GAD2: variants seen among roughly 807,000 people sequenced by gnomAD.
GAD2 encodes the protein glutamate decarboxylase 2.
GAD2 carries 22 observed loss-of-function variants against 80.1 expected under a neutral mutation model. The observed-to-expected ratio is 0.27, with a 90% CI of 0.20 to 0.39. The LOEUF (loss-of-function observed/expected upper bound fraction) is 0.39. GAD2 is among the 10% of genes least tolerant of loss of function. The pLI is 1.00. For synonymous variants in GAD2, 274 were observed against 256.9 expected (o/e 1.07, Z -0.64); for missense variants, 624 against 738.4 (o/e 0.85, Z 1.80).
chr10:26,236,436 A>G (rs113557168), intron 7 of GAD2, among the ~76,000 whole-genome samples: 4,050 of 151,718 alleles, frequency 0.027, 198 homozygotes, highest in African/African-American at 0.093. Context: ...AAGTAGCTGG[A>G]ATTACAGGCG....
At chr10:26,225,487 G>T (rs1158326853) in intron 6 of GAD2, among the ~76,000 whole-genome samples, 1 of 152,182 alleles carries the variant, frequency 6.6e-6, no homozygotes, top group Non-Finnish European at 1.5e-5. Flanking sequence ...TGGCAGGAGC[G>T]GATGTCATTA....
chr10:26,244,170 G>T (rs1027411269), intron 7 of GAD2, among the ~76,000 whole-genome samples: 1 of 152,180 alleles, frequency 6.6e-6, no homozygotes, highest in African/African-American at 2.4e-5. Flanking sequence ...ATGCAAATCC[G>T]AAGCATAATG....
rs1191430220 is a variant in GAD2, at chr10:26,248,025, G to T, written c.920+2025G>T. On this transcript the variant is annotated intron_variant, in intron 8 of 15. Coordinates refer to ENST00000376261, the MANE Select transcript of GAD2 (RefSeq NM_001134366.2). ...AGTGAGGCCAAACATCCACACACAG[G>T]TTTGCAGCAGGAGAAAGGAGGACAT... 4.6e-5 allele frequency among the ~76,000 whole-genome samples: 7 copies of T among 152,262 alleles called. No individual in the cohort carries two copies. In the East Asian group the frequency reaches 9.6e-4, roughly 21 times the overall value.
intron 12 of GAD2, among the ~76,000 whole-genome samples, chr10:26,284,866 G>A (rs1845314069): frequency 6.6e-6 from 1 of 152,142 alleles, no homozygotes; most frequent in African/African-American, 2.4e-5. Flanking sequence ...ACCGCACCCG[G>A]CCATCCAGGT....
chr10:26,216,732 C>T, upstream of GAD2: 1 of 1,300,414 alleles, frequency 7.7e-7, no homozygotes, highest in Non-Finnish European at 1.1e-6. This position sits in a 1 kb window ranked among gnomAD's most constrained non-coding sequence, Gnocchi z 4.7. Context: ...CGGGCACGCA[C>T]GCGCGCGCAG....
chr10:26,289,073 TGTGA>T (rs1834181581), intron 13 of GAD2, among the ~76,000 whole-genome samples: 1 of 151,016 alleles, frequency 6.6e-6, no homozygotes, highest in East Asian at 1.9e-4. Context: ...TCTAAACCTT[TGTGA>T]GTTTTTTTTT....
rs1330661129 is a variant in GAD2 at position 26,218,547 on chromosome 10, T to TCACACA, written c.287-495_287-494insACACAC. Among the ~76,000 whole-genome samples, 456 of 66,244 alleles carry TCACACA rather than the reference T, an allele frequency of 6.9e-3. 4 individuals carry two copies. The highest frequency in any genetic ancestry group is 0.016 in the African/African-American group (428 of 26,250). 43.5% of individuals were successfully genotyped at this position (66,244 alleles called of 152,430 possible). On this transcript the variant is annotated intron_variant, in intron 3 of 15. Transcript: ENST00000376261. ...CACACATGCATACGCTCTCTCTCTC[T>TCACACA]CTCTCACACACACACACACACACAC...
chr10:26,256,004 A>G (rs868711203), intron 8 of GAD2, among the ~76,000 whole-genome samples: 5 of 152,186 alleles, frequency 3.3e-5, no homozygotes, highest in South Asian at 4.1e-4. Context: ...TTAGAGTTGG[A>G]AAGGTGCTCA....
At chr10:26,275,412 C>CT (rs1342674883) in intron 11 of GAD2, among the ~76,000 whole-genome samples, 1 of 152,212 alleles carries the variant, frequency 6.6e-6, no homozygotes, top group African/African-American at 2.4e-5. Context: ...GTACCAAAGA[C>CT]TATTATTTGA....
At chr10:26,242,817 C>T (rs970024597) in intron 7 of GAD2, among the ~76,000 whole-genome samples, 4 of 152,176 alleles carry the variant, frequency 2.6e-5, no homozygotes, top group Non-Finnish European at 4.4e-5. Flanking sequence ...GACAAGAATA[C>T]GTCCTCCCAT....
intron 15 of GAD2, among the ~76,000 whole-genome samples, chr10:26,293,352 A>G (rs193260772): frequency 2.0e-5 from 3 of 151,764 alleles, no homozygotes; most frequent in African/African-American, 7.2e-5. Flanking sequence ...CAATTTTTGT[A>G]TTTTTAGTAG....
At chr10:26,248,511 A>T (rs1203354766) in intron 8 of GAD2, among the ~76,000 whole-genome samples, 1 of 152,172 alleles carries the variant, frequency 6.6e-6, no homozygotes, top group Admixed American at 6.5e-5. Context: ...CAGCCCAAGG[A>T]TGTATGTTAA....
At chr10:26,238,342 G>T (rs1010790878) in intron 7 of GAD2, among the ~76,000 whole-genome samples, 1 of 152,138 alleles carries the variant, frequency 6.6e-6, no homozygotes, top group Non-Finnish European at 1.5e-5. Context: ...CCTCATCATT[G>T]TGCCTCACAT....
At position 26,217,112 on chromosome 10, in the gene GAD2, G is replaced by A. The variant is rs1007107081; in HGVS notation, c.76+227G>A. Among the ~76,000 whole-genome samples, 1 of 152,000 alleles carries A rather than the reference G, an allele frequency of 6.6e-6. No homozygotes were observed. The highest frequency in any genetic ancestry group is 1.5e-5 in the Non-Finnish European group (1 of 67,992). On this transcript the variant is annotated intron_variant, in intron 1 of 15. Coordinates refer to ENST00000376261, the MANE Select transcript of GAD2 (RefSeq NM_001134366.2). The surrounding 1 kb of genome is among the most constrained non-coding windows in gnomAD (Gnocchi z 4.9). ...TAGTCTCAGGCCCGTTCCACAGAAG[G>A]TTGGAAGAGCCCCCCAAAGACCGCG... is the stretch of plus-strand genomic sequence containing the variant.
At position 26,302,207 on chromosome 10, in the gene GAD2, A is replaced by G. The variant is rs1589157099; in HGVS notation, c.*1246A>G. 2 of 151,990 alleles carry G rather than the reference A, an allele frequency of 1.3e-5. No individual in the cohort carries two copies. The highest frequency in any genetic ancestry group is 2.1e-4 in the South Asian group (1 of 4,802). The allele number at this position is 151,990 out of a possible 1,614,324, so 9.4% of individuals were successfully genotyped here. The stretch of plus-strand genomic sequence containing the variant: ...CATTCCTCCCCACAAAGTCTCTCCC[A>G]CTAGACTCCCTACCACTGGGACCCA... On this transcript the variant is annotated 3_prime_UTR_variant, in exon 16 of 16. Coordinates refer to ENST00000376261, the MANE Select transcript of GAD2 (RefSeq NM_001134366.2).
At chr10:26,240,269 C>T (rs189620729) in intron 7 of GAD2, among the ~76,000 whole-genome samples, 31 of 152,302 alleles carry the variant, frequency 2.0e-4, no homozygotes, top group African/African-American at 6.7e-4. Context: ...GAGGGATGGG[C>T]GCTGCCCTCT....
intron 7 of GAD2, among the ~76,000 whole-genome samples, chr10:26,233,435 C>T (rs1223337827): frequency 2.0e-5 from 3 of 152,162 alleles, no homozygotes; most frequent in Admixed American, 2.0e-4. Flanking sequence ...TTTCGGAGCT[C>T]ATTTAAAGCC....
intron 8 of GAD2, among the ~76,000 whole-genome samples, chr10:26,260,734 A>C (rs1844999703): frequency 6.6e-6 from 1 of 152,210 alleles, no homozygotes; most frequent in Non-Finnish European, 1.5e-5. Context: ...AGACTCAGCC[A>C]GTTTACACTT....
chr10:26,255,770 T>C (rs997592134), intron 8 of GAD2, among the ~76,000 whole-genome samples: 1 of 152,178 alleles, frequency 6.6e-6, no homozygotes, highest in Non-Finnish European at 1.5e-5. Flanking sequence ...CCTAGTCTTT[T>C]GACTAAAATT....
Sources: allele counts gnomAD v4.1 joint callset (sites outside exome capture counted in the v4.1 genomes callset), GRCh38; gene constraint gnomAD v4.1.1; non-coding constraint Gnocchi (gnomAD v3.1); transcripts MANE v1.5; gene names NCBI Gene and HGNC (gene_info 2026-07-23, HGNC 2026-07-21).